The following MAPK6 variants were observed in gnomAD, a reference collection of about 807,000 sequenced individuals.
MAPK6 encodes mitogen-activated protein kinase 6, also known as ERK-3.
In MAPK6, 19 loss-of-function variants were observed where a neutral mutation model predicts 59.3. The observed-to-expected ratio is 0.32, with a 90% CI of 0.22 to 0.47. The LOEUF (loss-of-function observed/expected upper bound fraction) is 0.47. Among genes scored for constraint, MAPK6 ranks in the 20% least tolerant of loss-of-function variants. The probability of loss-of-function intolerance (pLI) is 1.00; values close to 1 mark genes in which losing one functional copy is unlikely to be tolerated. For synonymous variants in MAPK6, 316 were observed against 290.3 expected, an observed-to-expected ratio of 1.09 and a Z score of -0.90; for missense variants, 724 against 847.9, an observed-to-expected ratio of 0.85 and a Z score of 1.81.
In MAPK6 at chr15:51,992,308, T is replaced by A. The variant is rs1359514581; in HGVS notation, c.-770+8993T>A. On this transcript the variant is annotated intron_variant, in intron 2 of 7. Transcript: ENST00000691380. ...CTATCTATCTATATATATATATATT[T>A]TTTTTTTTTTTGAGACAGAGTCTCG... 8.7e-3 allele frequency among the ~76,000 whole-genome samples: 1,190 copies of A among 136,396 alleles called. 21 individuals carry two copies. The highest frequency in any genetic ancestry group is 0.034 in the African/African-American group (1,133 of 32,920). The allele number at this position is 136,396 out of a possible 152,430, so 89.5% of individuals were successfully genotyped here. A position where few individuals can be genotyped will look rare whatever the true frequency, so the allele number is the denominator to read the frequency against.
chr15:52,012,115 T>C (rs948894617), intron 3 of MAPK6, among the ~76,000 whole-genome samples: 2 of 152,228 alleles, frequency 1.3e-5, no homozygotes, highest in African/African-American at 4.8e-5. Context: ...CCTCTCGTAA[T>C]AGCCCTCTCA....
At position 52,065,019 on chromosome 15, in the gene MAPK6, A is replaced by ATCTTTGTATTC; in HGVS notation, c.*21_*31dup. 1 of 1,561,552 alleles carries ATCTTTGTATTC rather than the reference A, an allele frequency of 6.4e-7. No individual in the cohort carries two copies. The highest frequency in any genetic ancestry group is 8.7e-7 in the Non-Finnish European group (1 of 1,151,518). On this transcript the variant is annotated 3_prime_UTR_variant, in exon 6 of 6. Transcript: ENST00000261845. ...GAACTAAAACACTCAGCAGACATTT[A>ATCTTTGTATTC]TCTTTGTATTCTTCATGAAATGTGT...
chr15:52,038,744 G>A lies in MAPK6; in HGVS notation c.-631-7086G>A, dbSNP rs377467632. On this transcript the variant is annotated intron_variant, in intron 1 of 5. Coordinates refer to ENST00000261845, the MANE Select transcript of MAPK6 (RefSeq NM_002748.4). The stretch of plus-strand genomic sequence containing the variant: ...GAATCTTAGAATAAAGCCTCCTGCC[G>A]GGAGGAAGATAAGAAATGGGATCAA... 1.3e-4 allele frequency among the ~76,000 whole-genome samples: 20 copies of A among 152,184 alleles called. 1 individual carries two copies. In the East Asian group the frequency reaches 2.3e-3, roughly 18 times the overall value.
chr15:51,974,878 C>T (rs981258821), intron 1 of MAPK6, among the ~76,000 whole-genome samples: 15 of 150,742 alleles, frequency 1.0e-4, no homozygotes, highest in Non-Finnish European at 2.1e-4. Flanking sequence ...CCACCATGCC[C>T]AGCTAATTTT....
Position 52,058,720 on chromosome 15 carries a change from T to G in MAPK6, c.788T>G (p.Ile263Ser). The change falls in exon 4 of 6, where the codon ATT becomes AGT. Residue 263 changes from isoleucine (I) to serine (S), a missense_variant. Coordinates refer to ENST00000261845, the MANE Select transcript of MAPK6 (RefSeq NM_002748.4). ...EEDRQELLSV[I>S]PVYIRNDMTE... ...GATCGTCAGGAGCTTCTCAGCGTAA[T>G]TCCAGTTTACATTAGAAATGACATG... is the stretch of plus-strand genomic sequence containing the variant. 6.2e-7 allele frequency: 1 copy of G among 1,613,724 alleles called. No homozygotes were observed. Among genetic ancestry groups the G allele is most frequent in the Non-Finnish European group, 8.5e-7 (1 of 1,179,762 alleles).
At chr15:51,984,937 C>G (rs2057186164) in intron 2 of MAPK6, among the ~76,000 whole-genome samples, 1 of 152,110 alleles carries the variant, frequency 6.6e-6, no homozygotes, top group South Asian at 2.1e-4. Context: ...TTTTGTTTCG[C>G]ACTTTTGCAA....
At position 52,030,384 on chromosome 15, in the gene MAPK6, G is replaced by C. The variant is rs28526570; in HGVS notation, c.-632+11008G>C. Among the ~76,000 whole-genome samples, 1,491 of 152,180 alleles carry C rather than the reference G, an allele frequency of 9.8e-3. 26 individuals are homozygous for C. Among genetic ancestry groups the C allele is most frequent in the African/African-American group, 0.035 (1,435 of 41,496 alleles). On this transcript the variant is annotated intron_variant, in intron 1 of 5. Coordinates refer to ENST00000261845, the MANE Select transcript of MAPK6 (RefSeq NM_002748.4). ...CATGCTAAGTGCTCAGTAAATTTTT[G>C]TGGACTGTATAAAATGTTTGATTCC...
chr15:52,032,655 G>A (rs1194478273), intron 1 of MAPK6, among the ~76,000 whole-genome samples: 1 of 152,050 alleles, frequency 6.6e-6, no homozygotes, highest in Admixed American at 6.5e-5. Context: ...GCTGGAGACA[G>A]ATTTCTATCC....
At chr15:52,058,548 A>G in intron 3 of MAPK6, 85 bp from the exon 4 acceptor site, 1 of 1,168,900 alleles carries the variant, frequency 8.6e-7, no homozygotes, top group Non-Finnish European at 1.2e-6. Flanking sequence ...ACTGGTCATT[A>G]TAATATTTAA....
intron 2 of MAPK6, among the ~76,000 whole-genome samples, chr15:51,996,809 C>G (rs2057225713): frequency 6.6e-6 from 1 of 152,034 alleles, no homozygotes; most frequent in Non-Finnish European, 1.5e-5. Context: ...CCTCCTGCCT[C>G]AGCCTCCCAA....
At chr15:52,025,550 G>A (rs2030737676) in intron 1 of MAPK6, among the ~76,000 whole-genome samples, 1 of 152,136 alleles carries the variant, frequency 6.6e-6, no homozygotes, top group Admixed American at 6.6e-5. Flanking sequence ...CGCCTGTAAT[G>A]CCAGCACTTT....
intron 1 of MAPK6, among the ~76,000 whole-genome samples, chr15:51,979,718 G>T: frequency 6.6e-6 from 1 of 151,730 alleles, no homozygotes; most frequent in Admixed American, 6.6e-5. Flanking sequence ...ACTTGAGCCT[G>T]GGAGGTCGAG....
At chr15:51,981,479 A>C (rs1223098624) in intron 1 of MAPK6, among the ~76,000 whole-genome samples, 2 of 151,550 alleles carry the variant, frequency 1.3e-5, no homozygotes, top group African/African-American at 4.9e-5. Flanking sequence ...CTCAAAAAAA[A>C]AAAAGAAAAA....
In MAPK6 at chr15:52,037,145, GA is replaced by G. The variant is rs920660866; in HGVS notation, c.-631-8677del. On this transcript the variant is annotated intron_variant, in intron 1 of 5. Coordinates refer to ENST00000261845, the MANE Select transcript of MAPK6 (RefSeq NM_002748.4). ...GACCCCATTTCTACAAAAAGAAAAAGAAAAAAAAGTTGAACGTGGTGTGTGC... is the reference window on the plus strand; with the variant it reads ...GACCCCATTTCTACAAAAAGAAAAAGAAAAAAAGTTGAACGTGGTGTGTGC... 4.9e-4 allele frequency among the ~76,000 whole-genome samples: 74 copies of G among 151,854 alleles called. 1 individual carries two copies. Among genetic ancestry groups the G allele is most frequent in the Middle Eastern group, 3.4e-3 (1 of 294 alleles).
At chr15:51,987,378 G>A (rs1216212885) in intron 2 of MAPK6, among the ~76,000 whole-genome samples, 1 of 152,152 alleles carries the variant, frequency 6.6e-6, no homozygotes, top group Non-Finnish European at 1.5e-5. Flanking sequence ...GGCCAAGGCG[G>A]CAGATCACTT....
intron 3 of MAPK6, among the ~76,000 whole-genome samples, chr15:52,008,899 C>T (rs1038054450): frequency 6.6e-6 from 1 of 152,156 alleles, no homozygotes; most frequent in Non-Finnish European, 1.5e-5. Flanking sequence ...TTATCAGTTT[C>T]TGGGGATGAT....
At chr15:52,048,391 G>C (rs2031664293) in intron 2 of MAPK6, among the ~76,000 whole-genome samples, 1 of 152,126 alleles carries the variant, frequency 6.6e-6, no homozygotes, top group South Asian at 2.1e-4. Context: ...GGCTGAGGCA[G>C]GCGGATCACC....
intron 1 of MAPK6, among the ~76,000 whole-genome samples, chr15:52,032,102 C>G (rs977158606): frequency 2.0e-5 from 3 of 151,894 alleles, no homozygotes; most frequent in Non-Finnish European, 4.4e-5. Flanking sequence ...TCTCGATCTC[C>G]TGACCTCATG....
intron 2 of MAPK6, among the ~76,000 whole-genome samples, chr15:51,994,182 A>G (rs1434920435): frequency 6.6e-6 from 1 of 151,814 alleles, no homozygotes; most frequent in Non-Finnish European, 1.5e-5. Context: ...CTGGTCTCGA[A>G]CTCCCAGCCT....
Sources: allele counts gnomAD v4.1 joint callset (sites outside exome capture counted in the v4.1 genomes callset), GRCh38; gene constraint gnomAD v4.1.1; transcripts MANE v1.5; gene names NCBI Gene and HGNC (gene_info 2026-07-23, HGNC 2026-07-21).